The following CCNE2 variants were observed in gnomAD, a reference collection of about 807,000 sequenced individuals.
CCNE2 encodes the protein G1/S-specific cyclin-E2.
Under a neutral mutation model 56.8 loss-of-function variants are expected in CCNE2, and 18 were observed. The observed-to-expected ratio is 0.32, with a 90% confidence interval of 0.22 to 0.47. The LOEUF (loss-of-function observed/expected upper bound fraction) is 0.47. Among genes scored for constraint, CCNE2 ranks in the 20% least tolerant of loss-of-function variants. CCNE2 has a pLI of 1.00. For synonymous variants in CCNE2, 139 were observed against 149.2 expected, an observed-to-expected ratio of 0.93 and a Z score of 0.50; for missense variants, 371 against 467.1, an observed-to-expected ratio of 0.79 and a Z score of 1.90.
In CCNE2 at chr8:94,880,274, G is replaced by A; in HGVS notation, c.*1358C>T. 9.3e-7 allele frequency: 1 copy of A among 1,071,784 alleles called. No individual in the cohort carries two copies. Among genetic ancestry groups the A allele is most frequent in the Non-Finnish European group, 1.4e-6 (1 of 712,608 alleles). 66.4% of individuals were successfully genotyped at this position (1,071,784 alleles called of 1,614,324 possible). ...TTAACTTTTATTTTTTAAACAATGGGCTAAAAATAAACAGTATTAAAAGGT... is the reference window on the plus strand; with the variant it reads ...TTAACTTTTATTTTTTAAACAATGGACTAAAAATAAACAGTATTAAAAGGT... On this transcript the variant is annotated 3_prime_UTR_variant, in exon 12 of 12. Transcript: ENST00000308108.
intron 5 of CCNE2, chr8:94,891,456 C>A (rs75786496): frequency 3.6e-6 from 1 of 279,582 alleles, no homozygotes; most frequent in Non-Finnish European, 6.9e-6. Context: ...GTCAGGAGTT[C>A]GAGACCAGCC....
intron 6 of CCNE2, among the ~76,000 whole-genome samples, chr8:94,890,097 A>G (rs532401862): frequency 6.6e-6 from 1 of 152,342 alleles, no homozygotes; most frequent in South Asian, 2.1e-4. Context: ...TTTGTATAGC[A>G]TAATTCAAAA....
At chr8:94,895,463 C>T (rs1817468363), upstream of CCNE2, among the ~76,000 whole-genome samples, 1 of 152,180 alleles carries the variant, frequency 6.6e-6, no homozygotes, top group Non-Finnish European at 1.5e-5. Flanking sequence ...TCCTTCTCCG[C>T]GGCTGTTCTC....
intron 10 of CCNE2, 134 bp from the exon 11 acceptor site, chr8:94,882,423 G>A (rs892012307): frequency 2.6e-5 from 18 of 699,888 alleles, no homozygotes; most frequent in South Asian, 1.1e-4. Flanking sequence ...AGTTTAGCAT[G>A]TCAAAACAGA....
intron 9 of CCNE2, chr8:94,884,026 C>G (rs1238413393): frequency 8.4e-6 from 3 of 355,320 alleles, no homozygotes; most frequent in Non-Finnish European, 1.8e-5. Context: ...GTATAGCTGC[C>G]TAGGACAATT....
intron 9 of CCNE2, 25 bp from the exon 10 acceptor site, chr8:94,882,917 G>A (rs773882140): frequency 4.9e-6 from 7 of 1,440,726 alleles, no homozygotes; most frequent in Non-Finnish European, 6.8e-6. Flanking sequence ...AAAAGTACAA[G>A]CAATTTAGGA....
In CCNE2 at chr8:94,882,940, C is replaced by A. The variant is rs765681164; in HGVS notation, c.832-48G>T. The A allele has an allele frequency of 5.0e-6, 6 of 1,209,078 alleles. No individual in the cohort carries two copies. In the Admixed American group the frequency reaches 1.0e-4, roughly 21 times the overall value. 74.9% of individuals were successfully genotyped at this position (1,209,078 alleles called of 1,614,324 possible). On this transcript the variant is annotated intron_variant, in intron 9 of 11. Transcript: ENST00000308108. Reference sequence around the variant, plus strand: ...AAGCAATTTAGGAGAAAGATGAGTACTAAATGTCTCTTGCTAAAACCTTAG... The same window carrying A: ...AAGCAATTTAGGAGAAAGATGAGTAATAAATGTCTCTTGCTAAAACCTTAG...
chr8:94,892,644 A>C (rs2131121721), intron 5 of CCNE2, among the ~76,000 whole-genome samples, 174 bp downstream of exon 5: 1 of 152,342 alleles, frequency 6.6e-6, no homozygotes, highest in Admixed American at 6.5e-5. Flanking sequence ...TGTTTTAAAT[A>C]CCCATATCAT....
At chr8:94,885,010 A>G (rs370760945) in intron 9 of CCNE2, 57 bp downstream of exon 9, 1 of 1,505,810 alleles carries the variant, frequency 6.6e-7, no homozygotes, top group Admixed American at 1.8e-5. Flanking sequence ...AAGACTATAT[A>G]TACACTAAAA....
intron 10 of CCNE2, 87 bp from the exon 11 acceptor site, chr8:94,882,376 T>C: frequency 9.0e-7 from 1 of 1,108,052 alleles, no homozygotes; most frequent in Non-Finnish European, 1.2e-6. Context: ...GTTGCTGTTT[T>C]TGAGATATTT....
At chr8:94,882,758 A>G in intron 10 of CCNE2, 23 bp downstream of exon 10, 8 of 1,473,866 alleles carry the variant, frequency 5.4e-6, no homozygotes, top group Non-Finnish European at 7.6e-6. Context: ...AAAGGTAAGA[A>G]GACAACAAAT....
At position 94,894,263 on chromosome 8, in the gene CCNE2, G is replaced by A. The variant is rs1221933849; in HGVS notation, c.-26-16C>T. 2 of 1,612,032 alleles carry A rather than the reference G, an allele frequency of 1.2e-6. No homozygotes were observed. The highest frequency in any genetic ancestry group is 2.2e-5 in the South Asian group (2 of 91,008). ...TATAAAACCTCTGAAGGGGGGAGAG[G>A]AAAAGCCGCAGTCAAGTACATTGTC... On this transcript the variant is annotated splice_polypyrimidine_tract_variant and intron_variant, in intron 1 of 11. Coordinates refer to ENST00000308108, the MANE Select transcript of CCNE2 (RefSeq NM_057749.3).
Position 94,880,446 on chromosome 8 carries a change from T to C in CCNE2, c.*1186A>G, listed in dbSNP as rs572575951. On this transcript the variant is annotated 3_prime_UTR_variant, in exon 12 of 12. Coordinates refer to ENST00000308108, the MANE Select transcript of CCNE2 (RefSeq NM_057749.3). ...TAGTTTCTTCAAAGGGAGAAGAGAT[T>C]CACATATCTGATAACAAAATAAACT... 6 of 339,258 alleles carry C rather than the reference T, an allele frequency of 1.8e-5. No homozygotes were observed. Among genetic ancestry groups the C allele is most frequent in the African/African-American group, 1.1e-4 (5 of 47,412 alleles). The allele number at this position is 339,258 out of a possible 1,614,324, so 21.0% of individuals were successfully genotyped here. A position where few individuals can be genotyped will look rare whatever the true frequency, so the allele number is the denominator to read the frequency against.
chr8:94,895,082 G>T, intron 1 of CCNE2, 95 bp downstream of exon 1: 3 of 721,116 alleles, frequency 4.2e-6, no homozygotes, highest in Non-Finnish European at 5.1e-6. Context: ...CAGCCCTCCC[G>T]ATTTTCCTCC....
chr8:94,882,119 CA>C lies in CCNE2; in HGVS notation c.1101+12del. 1.9e-6 allele frequency: 3 copies of C among 1,591,832 alleles called. No individual in the cohort carries two copies. The highest frequency in any genetic ancestry group is 2.6e-6 in the Non-Finnish European group (3 of 1,169,050). ...TCAGATAGCAAAGCCAAAAAACTCA[CA>C]AAAAAACATACCAGCATAGCCAAAT... On this transcript the variant is annotated intron_variant, in intron 11 of 11. Transcript: ENST00000308108.
chr8:94,895,061 C>T, intron 1 of CCNE2, 116 bp downstream of exon 1: 1 of 456,122 alleles, frequency 2.2e-6, no homozygotes, highest in South Asian at 9.2e-5. Flanking sequence ...GACCCCCAGT[C>T]GTCTAGTTCT....
chr8:94,884,831 C>T (rs1816973711), intron 9 of CCNE2: 1 of 358,594 alleles, frequency 2.8e-6, no homozygotes, highest in East Asian at 4.5e-5. Flanking sequence ...AAAAGAGATA[C>T]TTTAGTTTGG....
chr8:94,882,382 T>C (rs1816856283), intron 10 of CCNE2, 93 bp from the exon 11 acceptor site: 27 of 1,074,546 alleles, frequency 2.5e-5, no homozygotes, highest in Non-Finnish European at 3.5e-5. Flanking sequence ...GTTTTTGAGA[T>C]ATTTTAAAAG....
intron 1 of CCNE2, among the ~76,000 whole-genome samples, chr8:94,894,804 A>G (rs763549851): frequency 2.0e-5 from 3 of 152,154 alleles, no homozygotes; most frequent in Non-Finnish European, 2.9e-5. Context: ...CGGGACCCCA[A>G]CTCCAGATGG....
Sources: allele counts gnomAD v4.1 joint callset (sites outside exome capture counted in the v4.1 genomes callset), GRCh38; gene constraint gnomAD v4.1.1; transcripts MANE v1.5; gene names NCBI Gene and HGNC (gene_info 2026-07-23, HGNC 2026-07-21).